The following SLC13A3 variants were observed in gnomAD, a reference collection of about 807,000 sequenced individuals.
SLC13A3 encodes the protein solute carrier family 13 member 3.
SLC13A3 carries 40 observed loss-of-function variants against 59.0 expected under a neutral mutation model. The observed-to-expected ratio is 0.68, with a 90% CI of 0.53 to 0.88. The LOEUF (loss-of-function observed/expected upper bound fraction) is 0.88, where lower values mean the gene tolerates loss of function less well. Among genes scored for constraint, SLC13A3 ranks in the 40% least tolerant of loss-of-function variants. SLC13A3 has a pLI of 0.00. For missense variants in SLC13A3, 699 were observed against 783.2 expected (o/e 0.89, Z 1.28); for synonymous variants, 317 against 330.3 (o/e 0.96, Z 0.44).
At position 46,589,151 on chromosome 20, in the gene SLC13A3, C is replaced by T. The variant is rs776006030; in HGVS notation, c.1016+9G>A. 5 of 1,612,904 alleles carry T rather than the reference C, an allele frequency of 3.1e-6. No homozygotes were observed. The highest frequency in any genetic ancestry group is 3.4e-6 in the Non-Finnish European group (4 of 1,178,894). On this transcript the variant is annotated intron_variant, in intron 7 of 12. Transcript: ENST00000279027. ...CAGCTCTTTCCTTAACCCAAGGGCC[C>T]CCACATACTTGATGGGCCCCAGGTT...
intron 3 of SLC13A3, among the ~76,000 whole-genome samples, chr20:46,605,878 G>A (rs1357295484): frequency 6.6e-6 from 1 of 152,154 alleles, no homozygotes; most frequent in African/African-American, 2.4e-5. Flanking sequence ...GCAATCCAGG[G>A]AAGGTCAAAA....
chr20:46,669,414 A>G (rs1488868971), intron 1 of SLC13A3, among the ~76,000 whole-genome samples: 1 of 152,068 alleles, frequency 6.6e-6, no homozygotes. Context: ...AGCTTTTCTC[A>G]TTTTATTTTT....
intron 1 of SLC13A3, among the ~76,000 whole-genome samples, chr20:46,657,345 C>A (rs1198371825): frequency 1.3e-5 from 2 of 151,422 alleles, no homozygotes; most frequent in African/African-American, 4.9e-5. Flanking sequence ...TGCATTCCAG[C>A]CTGGATGACA....
At chr20:46,640,526 ACT>A (rs922297046) in intron 1 of SLC13A3, among the ~76,000 whole-genome samples, 40 of 151,988 alleles carry the variant, frequency 2.6e-4, no homozygotes, top group African/African-American at 7.5e-4. Context: ...GAGAGTCTGG[ACT>A]CTCTGCAGAT....
intron 4 of SLC13A3, among the ~76,000 whole-genome samples, chr20:46,598,481 C>T (rs1426567770): frequency 6.6e-6 from 1 of 152,234 alleles, no homozygotes; most frequent in Non-Finnish European, 1.5e-5. Context: ...TTGCATCCAA[C>T]AGATGTAGGC....
intron 12 of SLC13A3, among the ~76,000 whole-genome samples, chr20:46,562,852 G>T (rs949930562): frequency 2.6e-5 from 4 of 152,194 alleles, no homozygotes; most frequent in South Asian, 4.1e-4. Flanking sequence ...CATCGCGATT[G>T]GTTAAGCAGG....
chr20:46,675,157 A>G (rs1386970963), intron 1 of SLC13A3, among the ~76,000 whole-genome samples: 2 of 151,368 alleles, frequency 1.3e-5, no homozygotes, highest in African/African-American at 4.9e-5. Context: ...GGAGAGGAAC[A>G]GCAGAGGGGT....
chr20:46,599,291 C>T (rs1423863198), intron 4 of SLC13A3, among the ~76,000 whole-genome samples: 1 of 152,242 alleles, frequency 6.6e-6, no homozygotes, highest in Non-Finnish European at 1.5e-5. Context: ...CCCAGCACTG[C>T]CTTGAGCAGA....
intron 12 of SLC13A3, among the ~76,000 whole-genome samples, chr20:46,562,335 T>C (rs2061938410): frequency 6.6e-6 from 1 of 152,164 alleles, no homozygotes; most frequent in Admixed American, 6.5e-5. Context: ...CTCCTGGCCC[T>C]GAATTTCTGG....
At chr20:46,572,393 G>A (rs533777872) in intron 10 of SLC13A3, among the ~76,000 whole-genome samples, 60 of 152,258 alleles carry the variant, frequency 3.9e-4, no homozygotes, top group Middle Eastern at 6.8e-3. Context: ...GAGAAACTCC[G>A]GCCAGCTGCC....
chr20:46,671,430 A>T (rs144366962), upstream of SLC13A3, among the ~76,000 whole-genome samples: 1 of 151,584 alleles, frequency 6.6e-6, no homozygotes, highest in African/African-American at 2.4e-5. Context: ...TTTCCTGCAC[A>T]CTCGTCTCCA....
At chr20:46,597,752 A>C (rs2062329279) in intron 4 of SLC13A3, among the ~76,000 whole-genome samples, 1 of 152,246 alleles carries the variant, frequency 6.6e-6, no homozygotes, top group African/African-American at 2.4e-5. Context: ...CTATGTATAC[A>C]GCTGTCTGTC....
intron 1 of SLC13A3, among the ~76,000 whole-genome samples, chr20:46,634,584 T>C (rs1600592480): frequency 6.6e-6 from 1 of 151,876 alleles, no homozygotes; most frequent in Non-Finnish European, 1.5e-5. Context: ...TTAGTGGATG[T>C]TGTGACAAGT....
At chr20:46,617,529 T>C (rs1426095175) in intron 1 of SLC13A3, among the ~76,000 whole-genome samples, 8 of 152,298 alleles carry the variant, frequency 5.3e-5, no homozygotes, top group Non-Finnish European at 1.0e-4. Flanking sequence ...TTCTGCCAAA[T>C]ATCCCTCAAA....
At position 46,560,008 on chromosome 20, in the gene SLC13A3, T is replaced by A; in HGVS notation, c.*14A>T. On this transcript the variant is annotated 3_prime_UTR_variant, in exon 13 of 13. Coordinates refer to ENST00000279027, the MANE Select transcript of SLC13A3 (RefSeq NM_022829.6). ...TTGAGAGGGTTCAGCCTCAAGGGAG[T>A]CCTCCAGGGGGACTCAGAGGGTCCG... is the stretch of plus-strand genomic sequence containing the variant. 6.2e-7 allele frequency: 1 copy of A among 1,612,438 alleles called. No individual in the cohort carries two copies. Among genetic ancestry groups the A allele is most frequent in the South Asian group, 1.1e-5 (1 of 90,932 alleles).
chr20:46,655,817 A>G (rs1271603161), upstream of SLC13A3, among the ~76,000 whole-genome samples: 6 of 143,582 alleles, frequency 4.2e-5, no homozygotes, highest in Non-Finnish European at 9.0e-5. Context: ...TACTGTATAT[A>G]CTATATATAC....
chr20:46,570,719 G>T (rs1195524458), intron 10 of SLC13A3, among the ~76,000 whole-genome samples: 5 of 152,168 alleles, frequency 3.3e-5, no homozygotes, highest in Admixed American at 3.3e-4. Context: ...TCGAATCGTT[G>T]TGAAGTCAGG....
At chr20:46,582,010 G>A (rs760622707) in intron 9 of SLC13A3, among the ~76,000 whole-genome samples, 3 of 152,142 alleles carry the variant, frequency 2.0e-5, no homozygotes, top group African/African-American at 4.8e-5. Flanking sequence ...TCTATGGGTC[G>A]CACATGGTGG....
At chr20:46,567,153 C>A (rs2061988253) in intron 10 of SLC13A3, among the ~76,000 whole-genome samples, 1 of 152,118 alleles carries the variant, frequency 6.6e-6, no homozygotes. Flanking sequence ...CCTCACGCCA[C>A]TGCACTCCAG....
Sources: allele counts gnomAD v4.1 joint callset (sites outside exome capture counted in the v4.1 genomes callset), GRCh38; gene constraint gnomAD v4.1.1; transcripts MANE v1.5; gene names NCBI Gene and HGNC (gene_info 2026-07-23, HGNC 2026-07-21).